The following CTBP2 variants were observed in gnomAD, a reference collection of about 807,000 sequenced individuals.
CTBP2 encodes the protein C-terminal binding protein 2, also known as C-terminal-binding protein 2.
CTBP2 carries 30 observed loss-of-function variants against 80.3 expected under a neutral mutation model. The ratio of observed to expected loss-of-function variants is 0.37; its 90% CI spans 0.28 to 0.51. The LOEUF is 0.51. Among genes scored for constraint, CTBP2 ranks in the 20% least tolerant of loss-of-function variants. CTBP2 has a pLI of 0.93. For synonymous variants in CTBP2, 594 were observed against 587.4 expected, an observed-to-expected ratio of 1.01 and a Z score of -0.16; for missense variants, 1,212 against 1,375.3, an observed-to-expected ratio of 0.88 and a Z score of 1.88.
upstream of CTBP2, among the ~76,000 whole-genome samples, chr10:125,161,728 A>AT (rs1464507441): frequency 6.6e-6 from 1 of 150,768 alleles, no homozygotes; most frequent in Non-Finnish European, 1.5e-5. Flanking sequence ...AAAAAAAAAA[A>AT]GGTTCCCTCT....
intron 1 of CTBP2, among the ~76,000 whole-genome samples, chr10:125,139,757 G>A (rs910472647): frequency 1.3e-5 from 2 of 152,166 alleles, no homozygotes; most frequent in South Asian, 2.1e-4. Flanking sequence ...AGCCCCAGAA[G>A]GGTTCTGGGA....
At chr10:125,017,830 C>T (rs1956643947) in intron 1 of CTBP2, among the ~76,000 whole-genome samples, 1 of 152,186 alleles carries the variant, frequency 6.6e-6, no homozygotes, top group African/African-American at 2.4e-5. Context: ...GCTTGCCATG[C>T]ACACAGCTCC....
Position 125,026,186 on chromosome 10 carries a change from G to A in CTBP2, c.1574C>T (p.Pro525Leu), listed in dbSNP as rs368299638. 137 of 1,611,946 alleles carry A rather than the reference G, an allele frequency of 8.5e-5. No homozygotes were observed. The highest frequency in any genetic ancestry group is 9.6e-5 in the Non-Finnish European group (113 of 1,178,754). Residue 525 changes from proline (P) to leucine (L), a missense_variant, in exon 1 of 9, where the codon CCG (proline) becomes CTG (leucine). This residue lies in a region of CTBP2 where 848 missense variants were observed against 782.3 expected (regional missense o/e 1.08). Coordinates refer to ENST00000309035, the MANE Select transcript of CTBP2 (RefSeq NM_022802.3). ...CGTGTGGAGGCTCTGGCTGGCCGGC[G>A]GCAGGGTGGATGGCCCCAGGGGTGC...
intron 1 of CTBP2, among the ~76,000 whole-genome samples, chr10:125,012,596 C>T (rs1367973236): frequency 1.3e-5 from 2 of 152,218 alleles, no homozygotes; most frequent in Non-Finnish European, 2.9e-5. Context: ...CTCCAAGCCT[C>T]TGTGGAAGAG....
At position 125,135,816 on chromosome 10, in the gene CTBP2, C is replaced by T. The variant is rs944107225; in HGVS notation, c.-206+24503G>A. 1.1e-4 allele frequency among the ~76,000 whole-genome samples: 16 copies of T among 152,314 alleles called. No homozygotes were observed. In the East Asian group the frequency reaches 2.9e-3, roughly 28 times the overall value. The stretch of plus-strand genomic sequence containing the variant: ...CCCCTGTGCTGCTCTCCTGCCTGGC[C>T]CCACAGCAGGAGCGTACCTGTCAGT... On this transcript the variant is annotated intron_variant, in intron 1 of 10. Transcript: ENST00000337195.
intron 1 of CTBP2, among the ~76,000 whole-genome samples, chr10:125,135,216 C>T (rs1215479663): frequency 3.9e-5 from 6 of 152,108 alleles, no homozygotes; most frequent in Non-Finnish European, 5.9e-5. Flanking sequence ...AGGAAGGAAG[C>T]CAATGCCCAG....
intron 2 of CTBP2, among the ~76,000 whole-genome samples, chr10:125,075,873 C>T (rs879385494): frequency 6.6e-6 from 1 of 152,188 alleles, no homozygotes; most frequent in African/African-American, 2.4e-5. Flanking sequence ...AACCACCAGG[C>T]GGTTTCTACC....
At chr10:125,019,748 A>C (rs1011551685) in intron 1 of CTBP2, among the ~76,000 whole-genome samples, 1 of 152,228 alleles carries the variant, frequency 6.6e-6, no homozygotes, top group African/African-American at 2.4e-5. Context: ...CCCTCGATTA[A>C]GCAATGGTTT....
rs1453040217 is a variant in CTBP2 at position 124,993,465 on chromosome 10, T to C, written c.2532-136A>G. On this transcript the variant is annotated intron_variant, in intron 6 of 8. Transcript: ENST00000309035. ...ATGGATACAGGAACATCTGTGATGATATTTTATGAAGGCTGGGAATTTTTG... is the reference window on the plus strand; with the variant it reads ...ATGGATACAGGAACATCTGTGATGACATTTTATGAAGGCTGGGAATTTTTG... The C allele has an allele frequency of 1.7e-5, 18 of 1,045,900 alleles. No individual in the cohort carries two copies. The South Asian group carries it at 2.8e-4, about 16-fold the overall frequency. 64.8% of individuals were successfully genotyped at this position (1,045,900 alleles called of 1,614,324 possible).
chr10:125,060,760 C>T (rs59651368), intron 2 of CTBP2, among the ~76,000 whole-genome samples: 1 of 152,160 alleles, frequency 6.6e-6, no homozygotes, highest in Admixed American at 6.5e-5. Flanking sequence ...TTCTCACAGT[C>T]GAGGAATAAG....
intron 1 of CTBP2, among the ~76,000 whole-genome samples, chr10:125,148,390 C>T (rs1361942727): frequency 6.6e-6 from 1 of 152,208 alleles, no homozygotes. Context: ...GCTGCTGCAG[C>T]CCCCTTCCCA....
chr10:125,043,119 A>G (rs1960312072), intron 2 of CTBP2, among the ~76,000 whole-genome samples: 1 of 152,224 alleles, frequency 6.6e-6, no homozygotes, highest in Non-Finnish European at 1.5e-5. Context: ...CGGGTATGGA[A>G]GATTTGTTCC....
At chr10:125,029,476 T>C (rs1957969984), upstream of CTBP2, among the ~76,000 whole-genome samples, 1 of 152,090 alleles carries the variant, frequency 6.6e-6, no homozygotes, top group Non-Finnish European at 1.5e-5. Context: ...GCCAGACTGG[T>C]CTCAAACTCC....
chr10:125,102,003 CATA>C (rs1314714869), intron 2 of CTBP2, among the ~76,000 whole-genome samples: 2 of 152,170 alleles, frequency 1.3e-5, no homozygotes, highest in African/African-American at 2.4e-5. Flanking sequence ...CGTCAGTCCC[CATA>C]ATGTCATTCC....
chr10:125,018,517 A>G (rs1417954730), intron 1 of CTBP2, among the ~76,000 whole-genome samples: 2 of 151,780 alleles, frequency 1.3e-5, no homozygotes, highest in Admixed American at 6.6e-5. Context: ...CCAAAAACCA[A>G]AAACCAAAAA....
At chr10:125,051,067 G>GT (rs1962634782) in intron 2 of CTBP2, among the ~76,000 whole-genome samples, 1 of 152,160 alleles carries the variant, frequency 6.6e-6, no homozygotes, top group Non-Finnish European at 1.5e-5. Flanking sequence ...TCTTGACAAG[G>GT]TAATGGCCAT....
Position 125,078,329 on chromosome 10 carries a change from G to A in CTBP2, c.-102+32661C>T, listed in dbSNP as rs142725595. ...TTCTCATGGGAGGATGGGCTTGGGC[G>A]TTGAGATCAACAGAGGAGGGAGGTT... On this transcript the variant is annotated intron_variant, in intron 2 of 10. Coordinates refer to the CTBP2 transcript ENST00000337195. 3.4e-3 allele frequency among the ~76,000 whole-genome samples: 516 copies of A among 151,742 alleles called. 3 individuals carry two copies. The highest frequency in any genetic ancestry group is 6.2e-3 in the Non-Finnish European group (420 of 67,956).
chr10:125,071,716 C>T (rs1845509713), intron 2 of CTBP2, among the ~76,000 whole-genome samples: 1 of 152,150 alleles, frequency 6.6e-6, no homozygotes, highest in Non-Finnish European at 1.5e-5. Flanking sequence ...GACAGTAACT[C>T]TCTAAAACCA....
intron 2 of CTBP2, among the ~76,000 whole-genome samples, chr10:125,101,627 G>A (rs763964733): frequency 2.6e-5 from 4 of 152,216 alleles, no homozygotes; most frequent in Non-Finnish European, 5.9e-5. Context: ...CCAGGTGGAA[G>A]ACAGAACCTT....
Sources: gnomAD v4.1 joint callset for allele counts (sites outside exome capture counted in the v4.1 genomes callset) on GRCh38, gnomAD v4.1.1 for gene constraint, gnomAD v4.1.1 regional missense constraint, MANE v1.5 for transcripts, NCBI Gene and HGNC (gene_info 2026-07-23, HGNC 2026-07-21) for gene names.